Variants in RANBP3 observed in about 807,000 individuals in gnomAD.
The protein encoded by RANBP3 is ran-binding protein 3.
In RANBP3, 14 loss-of-function variants were observed where a neutral mutation model predicts 77.3. That is an observed-to-expected ratio of 0.18 (90% CI 0.12 to 0.28). RANBP3 has a LOEUF of 0.28. Among genes scored for constraint, RANBP3 ranks in the 10% least tolerant of loss-of-function variants. The pLI is 1.00. For missense variants in RANBP3, 586 were observed against 752.3 expected, an observed-to-expected ratio of 0.78 and a Z score of 2.59; for synonymous variants, 315 against 312.4, an observed-to-expected ratio of 1.01 and a Z score of -0.09.
At chr19:5,936,422 TGCAGGCAG>T (rs60894956) in intron 5 of RANBP3, among the ~76,000 whole-genome samples, 60,323 of 150,906 alleles carry the variant, frequency 0.4, 12,972 homozygotes, top group East Asian at 0.69. Flanking sequence ...CATCTCCACA[TGCAGGCAG>T]GCAGGCAGGC....
chr19:5,920,164 A>C (rs1463817342), intron 14 of RANBP3, among the ~76,000 whole-genome samples: 1 of 152,222 alleles, frequency 6.6e-6, no homozygotes, highest in Non-Finnish European at 1.5e-5. Flanking sequence ...TGGGAGGCTG[A>C]GGTGGGAGGA....
intron 1 of RANBP3, among the ~76,000 whole-genome samples, chr19:5,971,858 A>C (rs1162175493): frequency 6.6e-6 from 1 of 152,228 alleles, no homozygotes; most frequent in African/African-American, 2.4e-5. Context: ...CTGGAAGAGA[A>C]GGAAGTGGGC....
intron 5 of RANBP3, among the ~76,000 whole-genome samples, chr19:5,941,372 G>C (rs2058134535): frequency 6.6e-6 from 1 of 152,152 alleles, no homozygotes; most frequent in Admixed American, 6.5e-5. Context: ...TCAGAGGGAC[G>C]ATCTCTTCAC....
intron 3 of RANBP3, among the ~76,000 whole-genome samples, chr19:5,949,985 G>T (rs940054560): frequency 6.6e-6 from 1 of 152,142 alleles, no homozygotes; most frequent in South Asian, 2.1e-4. Context: ...TTCAAACCCA[G>T]GCACCTGCAG....
rs184510424 is a variant in RANBP3, at chr19:5,955,091, T to C, written c.78+2827A>G. On this transcript the variant is annotated intron_variant, in intron 2 of 16. Transcript: ENST00000340578. ...CCATTTAGAATTGGCTGTGAGCCAATATTTTGATAAGAACTATACTTGGCA... is the reference window on the plus strand; with the variant it reads ...CCATTTAGAATTGGCTGTGAGCCAACATTTTGATAAGAACTATACTTGGCA... Among the ~76,000 whole-genome samples the C allele has an allele frequency of 2.5e-3, 378 of 152,380 alleles. 4 individuals carry two copies. The highest frequency in any genetic ancestry group is 4.4e-3 in the African/African-American group (185 of 41,592).
At chr19:5,933,570 C>T (rs1457290746) in intron 5 of RANBP3, 91 bp from the exon 6 acceptor site, 9 of 1,002,214 alleles carry the variant, frequency 9.0e-6, no homozygotes, top group Non-Finnish European at 1.2e-5. Context: ...ATGGTCTTGG[C>T]CTCAGTGACT....
chr19:5,932,852 A>G (rs1480831649), intron 6 of RANBP3: 2 of 398,012 alleles, frequency 5.0e-6, no homozygotes, highest in Non-Finnish European at 9.1e-6. Context: ...AGAGCAGTGC[A>G]TTCACAGGCA....
At position 5,921,050 on chromosome 19, in the gene RANBP3, T is replaced by TG. The variant is rs1001548723; in HGVS notation, c.1330+150dup. ...GAGGGCTGGGTGCAGGGAGGGGGTT[T>TG]GGGGGGCGGCTCTCATGGGAGACCG... On this transcript the variant is annotated intron_variant, in intron 14 of 16. Coordinates refer to ENST00000340578, the MANE Select transcript of RANBP3 (RefSeq NM_007322.3). This position sits in a 1 kb window ranked among gnomAD's most constrained non-coding sequence, Gnocchi z 5.3. 4.2e-6 allele frequency: 4 copies of TG among 958,502 alleles called. No individual in the cohort carries two copies. Among genetic ancestry groups the TG allele is most frequent in the African/African-American group, 3.4e-5 (2 of 59,302 alleles). The allele number at this position is 958,502 out of a possible 1,614,324, so 59.4% of individuals were successfully genotyped here.
chr19:5,917,266 C>T lies in RANBP3; in HGVS notation c.*344G>A. 1 of 377,242 alleles carries T rather than the reference C, an allele frequency of 2.7e-6. No homozygotes were observed. The highest frequency in any genetic ancestry group is 4.9e-6 in the Non-Finnish European group (1 of 203,464). The allele number at this position is 377,242 out of a possible 1,614,324, so 23.4% of individuals were successfully genotyped here. On this transcript the variant is annotated 3_prime_UTR_variant, in exon 17 of 17. Coordinates refer to ENST00000340578, the MANE Select transcript of RANBP3 (RefSeq NM_007322.3). ...GTGGCGGAGAAGCCAGGGGCTCTGG[C>T]TGGACCCAGAGGCTGGCGACACGCG...
intron 14 of RANBP3, among the ~76,000 whole-genome samples, chr19:5,919,552 C>G (rs537502512): frequency 2.6e-4 from 39 of 152,220 alleles, no homozygotes; most frequent in Non-Finnish European, 5.3e-4. Flanking sequence ...TCTATGCCCT[C>G]TCTTTCCATG....
intron 1 of RANBP3, among the ~76,000 whole-genome samples, chr19:5,967,480 A>G (rs984959417): frequency 6.6e-6 from 1 of 152,202 alleles, no homozygotes; most frequent in African/African-American, 2.4e-5. Flanking sequence ...ACTCCGAGGT[A>G]GGTACTTTAC....
chr19:5,965,916 C>T (rs919787138), intron 1 of RANBP3: 6 of 152,208 alleles, frequency 3.9e-5, no homozygotes, highest in African/African-American at 9.7e-5. Context: ...TGGCTTACAC[C>T]AACATCCTTT....
rs76755852 is a variant in RANBP3, at chr19:5,928,493, G to A, written c.694-406C>T. Reference sequence around the variant, plus strand: ...CGAGAGGGAGGTAGGCCTCTGACATGCCCACAATACATGGATCAGAGAAGA... The same window carrying A: ...CGAGAGGGAGGTAGGCCTCTGACATACCCACAATACATGGATCAGAGAAGA... On this transcript the variant is annotated intron_variant, in intron 8 of 16. Coordinates refer to ENST00000340578, the MANE Select transcript of RANBP3 (RefSeq NM_007322.3). 91 of 160,216 alleles carry A rather than the reference G, an allele frequency of 5.7e-4. 1 individual carries two copies. In the East Asian group the frequency reaches 0.014, roughly 24 times the overall value. The allele number at this position is 160,216 out of a possible 1,614,324, so 9.9% of individuals were successfully genotyped here.
At position 5,925,707 on chromosome 19, in the gene RANBP3, T is replaced by G. The variant is rs1454708061; in HGVS notation, c.844A>C (p.Met282Leu). ...LINESVDEAD[M>L]ENAGHPSADT... ...GCGCTGGGGTGTCCAGCATTCTCCA[T>G]GTCGGCTTCGTCCACGCTCTCATTT... Residue 282 changes from methionine to leucine, a missense_variant, in exon 10 of 17, where the codon ATG becomes CTG. Coordinates refer to ENST00000340578, the MANE Select transcript of RANBP3 (RefSeq NM_007322.3). The G allele has an allele frequency of 1.2e-6, 2 of 1,613,510 alleles. No homozygotes were observed. The highest frequency in any genetic ancestry group is 1.3e-5 in the African/African-American group (1 of 74,922).
At chr19:5,928,883 T>C (rs11085154) in intron 8 of RANBP3, among the ~76,000 whole-genome samples, 81,606 of 152,114 alleles carry the variant, frequency 0.54, 22,632 homozygotes, top group East Asian at 0.72. Flanking sequence ...AAAAAGGTGT[T>C]GTAGAATTTG....
At chr19:5,965,759 A>G (rs1240062243) in intron 1 of RANBP3, 1 of 152,260 alleles carries the variant, frequency 6.6e-6, no homozygotes, top group African/African-American at 2.4e-5. Context: ...AGTTTCTGCC[A>G]TGATATGCAC....
At chr19:5,942,973 G>T (rs1033165459) in intron 3 of RANBP3, among the ~76,000 whole-genome samples, 6 of 152,110 alleles carry the variant, frequency 3.9e-5, no homozygotes, top group Admixed American at 3.3e-4. Context: ...GCTGCAGTGA[G>T]CTATGACCAT....
At chr19:5,977,467 G>A (rs902740599) in intron 1 of RANBP3, among the ~76,000 whole-genome samples, 13 of 152,260 alleles carry the variant, frequency 8.5e-5, no homozygotes, top group African/African-American at 3.1e-4. Flanking sequence ...TAAATGAGGG[G>A]GAGACGAAGC....
rs1020781403 is a variant in RANBP3, at chr19:5,921,068, G to A, written c.1330+133C>T. Reference sequence around the variant, plus strand: ...GGGGGTTTGGGGGGCGGCTCTCATGGGAGACCGACTCTGTGCCTTGACTCT... The same window carrying A: ...GGGGGTTTGGGGGGCGGCTCTCATGAGAGACCGACTCTGTGCCTTGACTCT... On this transcript the variant is annotated intron_variant, in intron 14 of 16. Transcript: ENST00000340578. This position sits in a 1 kb window ranked among gnomAD's most constrained non-coding sequence, Gnocchi z 5.3. 2.7e-5 allele frequency: 33 copies of A among 1,217,694 alleles called. No homozygotes were observed. The highest frequency in any genetic ancestry group is 3.3e-5 in the Non-Finnish European group (30 of 903,594). 75.4% of individuals were successfully genotyped at this position (1,217,694 alleles called of 1,614,324 possible).
Sources: allele counts gnomAD v4.1 joint callset (sites outside exome capture counted in the v4.1 genomes callset), GRCh38; gene constraint gnomAD v4.1.1; non-coding constraint Gnocchi (gnomAD v3.1); transcripts MANE v1.5; gene names NCBI Gene and HGNC (gene_info 2026-07-23, HGNC 2026-07-21).